ESR1: variants seen among roughly 807,000 people sequenced by gnomAD.
ESR1 encodes the protein estrogen receptor 1, also known as estrogen receptor.
ESR1 carries 12 observed loss-of-function variants against 52.7 expected under a neutral mutation model. That is an observed-to-expected ratio of 0.23 (90% CI 0.15 to 0.37). The LOEUF is 0.37. Among genes scored for constraint, ESR1 ranks in the 10% least tolerant of loss-of-function variants. ESR1 has a pLI of 1.00. For synonymous variants in ESR1, 305 were observed against 316.8 expected (o/e 0.96, Z 0.39); for missense variants, 584 against 779.7 (o/e 0.75, Z 2.99).
Position 151,808,112 on chromosome 6 carries a change from C to T in ESR1, c.200C>T (p.Ala67Val). 1 of 1,611,190 alleles carries T rather than the reference C, an allele frequency of 6.2e-7. No homozygotes were observed. Among genetic ancestry groups the T allele is most frequent in the Non-Finnish European group, 8.5e-7 (1 of 1,179,208 alleles). Residue 67 changes from alanine to valine, a missense_variant, in exon 1 of 8, where the codon GCC becomes GTC. By Grantham distance (64) the Ala-to-Val change is moderately conservative. This residue lies in a region of ESR1 where 251 missense variants were observed against 246.1 expected (regional missense o/e 1.02). Coordinates refer to ENST00000206249, the MANE Select transcript of ESR1 (RefSeq NM_000125.4). ...GCCTACGAGTTCAACGCCGCGGCCG[C>T]CGCCAACGCGCAGGTCTACGGTCAG... Reference protein sequence around the residue: ...GAAYEFNAAAAANAQVYGQTG... With the variant: ...GAAYEFNAAAVANAQVYGQTG...
intron 1 of ESR1, among the ~76,000 whole-genome samples, chr6:151,814,770 A>G (rs1469801690): frequency 6.6e-6 from 1 of 152,230 alleles, no homozygotes; most frequent in African/African-American, 2.4e-5. Flanking sequence ...TAGACTATAT[A>G]AAGTGTGGTT....
chr6:151,967,590 G>A (rs1434684188), intron 4 of ESR1, among the ~76,000 whole-genome samples: 1 of 152,136 alleles, frequency 6.6e-6, no homozygotes, highest in Admixed American at 6.5e-5. Flanking sequence ...GTCATTGATG[G>A]GCATTTGGGT....
At chr6:151,840,663 G>A (rs1784145557) in intron 1 of ESR1, among the ~76,000 whole-genome samples, 1 of 152,168 alleles carries the variant, frequency 6.6e-6, no homozygotes. Flanking sequence ...AAGTCAGTGT[G>A]GTTCGGGTAT....
intron 3 of ESR1, among the ~76,000 whole-genome samples, chr6:151,930,781 G>A (rs909504191): frequency 1.3e-5 from 2 of 151,914 alleles, no homozygotes; most frequent in Admixed American, 1.3e-4. Flanking sequence ...CTTCACTTTT[G>A]AAGGATAATT....
At chr6:152,057,491 A>G (rs1012863276) in intron 5 of ESR1, among the ~76,000 whole-genome samples, 1 of 152,178 alleles carries the variant, frequency 6.6e-6, no homozygotes, top group African/African-American at 2.4e-5. Flanking sequence ...TGTAGCCTCT[A>G]AACAGTACTG....
At chr6:151,957,038 G>T (rs535720019) in intron 4 of ESR1, among the ~76,000 whole-genome samples, 1 of 97,374 alleles carries the variant, frequency 1.0e-5, no homozygotes, top group Non-Finnish European at 2.8e-5. Flanking sequence ...CACCACGCCC[G>T]GCTAATTTTT....
chr6:152,121,523 TA>T (rs2152518364), intron 6 of ESR1, among the ~76,000 whole-genome samples: 1 of 152,312 alleles, frequency 6.6e-6, no homozygotes, highest in African/African-American at 2.4e-5. Flanking sequence ...CTTCTATGTC[TA>T]AATCCATGCT....
At chr6:152,119,693 T>A (rs868411760) in intron 6 of ESR1, among the ~76,000 whole-genome samples, 2 of 152,332 alleles carry the variant, frequency 1.3e-5, no homozygotes, top group South Asian at 4.1e-4. Flanking sequence ...TCAGCAGCCA[T>A]CAGTGTCCTT....
chr6:152,013,798 T>G (rs1269139043), intron 5 of ESR1, among the ~76,000 whole-genome samples: 1 of 152,178 alleles, frequency 6.6e-6, no homozygotes, highest in Non-Finnish European at 1.5e-5. Flanking sequence ...TTCTAAAACT[T>G]CAGATCGGAA....
intron 5 of ESR1, among the ~76,000 whole-genome samples, chr6:152,015,562 C>T (rs1183415155): frequency 6.6e-6 from 1 of 152,124 alleles, no homozygotes; most frequent in Non-Finnish European, 1.5e-5. Flanking sequence ...TTCCATGATA[C>T]CCAACAAATA....
At chr6:152,042,643 T>C (rs908950198) in intron 5 of ESR1, among the ~76,000 whole-genome samples, 2 of 152,244 alleles carry the variant, frequency 1.3e-5, no homozygotes, top group South Asian at 4.1e-4. Flanking sequence ...GTCTGCAAAT[T>C]GATTGAGGGG....
intron 2 of ESR1, among the ~76,000 whole-genome samples, chr6:151,730,287 C>T (rs1334210702): frequency 2.0e-5 from 3 of 152,048 alleles, no homozygotes; most frequent in Non-Finnish European, 4.4e-5. Context: ...TGCCAGCTTT[C>T]ACATCCCCTG....
At chr6:151,943,064 T>C (rs750835482) in intron 3 of ESR1, among the ~76,000 whole-genome samples, 4 of 152,116 alleles carry the variant, frequency 2.6e-5, no homozygotes, top group Admixed American at 6.6e-5. Flanking sequence ...GTAATTTAGT[T>C]AGTGAGAACC....
In ESR1 at chr6:151,784,205, T is replaced by G. The variant is rs116058786; in HGVS notation, c.-70-23638T>G. Among the ~76,000 whole-genome samples, 797 of 152,270 alleles carry G rather than the reference T, an allele frequency of 5.2e-3. 5 individuals carry two copies. The highest frequency in any genetic ancestry group is 0.017 in the African/African-American group (693 of 41,546). On this transcript the variant is annotated intron_variant, in intron 2 of 2. Coordinates refer to the ESR1 transcript ENST00000404742. ...GGAGTGGGGAGCTATGCTTCCCCTC[T>G]TTGAGAGTTGTGTATGTACACAAAT... is the stretch of plus-strand genomic sequence containing the variant.
chr6:152,033,112 C>T (rs2044889807), intron 5 of ESR1, among the ~76,000 whole-genome samples: 1 of 152,090 alleles, frequency 6.6e-6, no homozygotes, highest in Admixed American at 6.5e-5. Context: ...AACTGGATCC[C>T]TTCCTTACAC....
intron 1 of ESR1, among the ~76,000 whole-genome samples, chr6:151,698,880 C>G (rs571283016): frequency 6.6e-6 from 1 of 152,136 alleles, no homozygotes; most frequent in Non-Finnish European, 1.5e-5. Context: ...TGCTCTTGTC[C>G]GTTTGACGGT....
At chr6:151,764,954 T>C (rs1562387622) in intron 2 of ESR1, among the ~76,000 whole-genome samples, 2 of 152,204 alleles carry the variant, frequency 1.3e-5, no homozygotes, top group African/African-American at 4.8e-5. Context: ...TGCTGTACAA[T>C]GGAAACAGTG....
intron 2 of ESR1, among the ~76,000 whole-genome samples, chr6:151,853,246 G>C (rs1167062696): frequency 6.6e-6 from 1 of 150,886 alleles, no homozygotes; most frequent in Non-Finnish European, 1.5e-5. Context: ...AGAAAGGCGG[G>C]CATTAACTTC....
At chr6:151,980,948 C>T (rs565173051) in intron 4 of ESR1, among the ~76,000 whole-genome samples, 7 of 152,296 alleles carry the variant, frequency 4.6e-5, no homozygotes, top group Admixed American at 6.5e-5. Flanking sequence ...GTGGTCCACC[C>T]GTTTTGGCCT....
Sources: allele counts gnomAD v4.1 joint callset (sites outside exome capture counted in the v4.1 genomes callset), GRCh38; gene constraint gnomAD v4.1.1; regional missense constraint gnomAD v4.1.1; transcripts MANE v1.5; gene names NCBI Gene and HGNC (gene_info 2026-07-23, HGNC 2026-07-21).